The following LRRC4C variants were observed in gnomAD, a reference collection of about 807,000 sequenced individuals.
LRRC4C encodes the protein leucine rich repeat containing 4C, also known as leucine-rich repeat-containing protein 4C.
In LRRC4C, 5 loss-of-function variants were observed where a neutral mutation model predicts 33.6. The observed-to-expected ratio is 0.15, with a 90% CI of 0.08 to 0.31. LRRC4C has a LOEUF of 0.31. Among genes scored for constraint, LRRC4C ranks in the 10% least tolerant of loss-of-function variants. The pLI is 1.00. For missense variants in LRRC4C, 560 were observed against 796.7 expected (o/e 0.70, Z 3.58); for synonymous variants, 329 against 302.0 (o/e 1.09, Z -0.93).
At position 40,549,012 on chromosome 11, in the gene LRRC4C, G is replaced by T. The variant is rs563316347; in HGVS notation, c.-270+99130C>A. ...TATATTCTTTACTACCCTAGTTAAAGCATTAAGGTTCATATTAAAATCCAA... is the reference window on the plus strand; with the variant it reads ...TATATTCTTTACTACCCTAGTTAAATCATTAAGGTTCATATTAAAATCCAA... On this transcript the variant is annotated intron_variant, in intron 3 of 6. Transcript: ENST00000528697. Among the ~76,000 whole-genome samples the T allele has an allele frequency of 1.4e-4, 21 of 152,190 alleles. No individual in the cohort carries two copies. The East Asian group carries it at 4.1e-3, about 29-fold the overall frequency.
At chr11:40,769,736 A>C (rs1410419200) in intron 2 of LRRC4C, among the ~76,000 whole-genome samples, 1 of 152,196 alleles carries the variant, frequency 6.6e-6, no homozygotes, top group South Asian at 2.1e-4. Flanking sequence ...GGGAAAGAAC[A>C]GTCTCTTCAG....
At chr11:41,395,473 T>C (rs1953772525) in intron 1 of LRRC4C, among the ~76,000 whole-genome samples, 2 of 152,000 alleles carry the variant, frequency 1.3e-5, no homozygotes. Context: ...ATCACTATAA[T>C]TTAGTCTCAT....
At position 41,226,920 on chromosome 11, in the gene LRRC4C, C is replaced by T. The variant is rs574733311; in HGVS notation, c.-496+232511G>A. 2.0e-5 allele frequency among the ~76,000 whole-genome samples: 3 copies of T among 152,064 alleles called. No individual in the cohort carries two copies. In the South Asian group the frequency reaches 6.2e-4, roughly 32 times the overall value. On this transcript the variant is annotated intron_variant, in intron 1 of 6. Transcript: ENST00000528697. ...TACGTACATGATTTTTCCTTGTATC[C>T]TTATTTCAAACAACACAGTACAAGC...
At chr11:40,344,152 G>A (rs778153057) in intron 3 of LRRC4C, among the ~76,000 whole-genome samples, 22 of 151,970 alleles carry the variant, frequency 1.4e-4, no homozygotes, top group Non-Finnish European at 2.8e-4. Flanking sequence ...CTCATTCTAT[G>A]AGGCCAGCAT....
At chr11:40,184,570 A>G (rs11600174) in intron 5 of LRRC4C, among the ~76,000 whole-genome samples, 12,351 of 152,232 alleles carry the variant, frequency 0.081, 845 homozygotes, top group African/African-American at 0.19. Context: ...CATCTGTGGC[A>G]GTCTTGGGGA....
chr11:40,644,003 AC>A (rs1471783781), intron 3 of LRRC4C, among the ~76,000 whole-genome samples: 13 of 152,342 alleles, frequency 8.5e-5, no homozygotes, highest in Middle Eastern at 3.4e-3. Flanking sequence ...TGGAAAAAAA[AC>A]ATTAGATGCT....
At chr11:40,335,165 T>C (rs1233066295) in intron 3 of LRRC4C, among the ~76,000 whole-genome samples, 2 of 152,186 alleles carry the variant, frequency 1.3e-5, no homozygotes, top group Admixed American at 1.3e-4. Context: ...TGTTACATTT[T>C]TTTAGGTGCA....
intron 4 of LRRC4C, among the ~76,000 whole-genome samples, chr11:40,300,199 C>T (rs991958185): frequency 6.6e-6 from 1 of 152,112 alleles, no homozygotes; most frequent in Non-Finnish European, 1.5e-5. Flanking sequence ...AGGTGCTAAA[C>T]CATTCATGAG....
At chr11:41,120,496 T>C (rs1942366974) in intron 1 of LRRC4C, among the ~76,000 whole-genome samples, 1 of 152,148 alleles carries the variant, frequency 6.6e-6, no homozygotes, top group South Asian at 2.1e-4. Context: ...GAGGCACTAA[T>C]GGAGGATTGG....
chr11:40,282,393 G>T (rs1216961020), intron 4 of LRRC4C, among the ~76,000 whole-genome samples: 4 of 151,810 alleles, frequency 2.6e-5, no homozygotes, highest in East Asian at 1.9e-4. Context: ...AACTTCCCTG[G>T]CATACCTTCC....
chr11:41,152,888 C>T (rs765235041), intron 1 of LRRC4C, among the ~76,000 whole-genome samples: 1 of 152,110 alleles, frequency 6.6e-6, no homozygotes, highest in Admixed American at 6.5e-5. Flanking sequence ...CAAGCTCATA[C>T]CACTAGCCAA....
At chr11:40,430,221 G>A (rs1199701632) in intron 3 of LRRC4C, among the ~76,000 whole-genome samples, 1 of 144,606 alleles carries the variant, frequency 6.9e-6, no homozygotes, top group East Asian at 2.2e-4. Flanking sequence ...GCAGTAGGGG[G>A]GCACTGATAA....
chr11:40,238,103 C>T (rs572965915), intron 5 of LRRC4C, among the ~76,000 whole-genome samples: 3 of 152,252 alleles, frequency 2.0e-5, no homozygotes, highest in African/African-American at 7.2e-5. Flanking sequence ...ACAGGTTTCA[C>T]GCTATTGGTG....
At chr11:41,431,354 AT>A (rs1565667533) in intron 1 of LRRC4C, among the ~76,000 whole-genome samples, 1 of 152,034 alleles carries the variant, frequency 6.6e-6, no homozygotes, top group East Asian at 2.0e-4. Context: ...GAGAAAGTTA[AT>A]TTTTAATAAA....
rs183227688 is a variant in LRRC4C, at chr11:40,172,538, C to G, written c.-95-31685G>C. 2.0e-5 allele frequency among the ~76,000 whole-genome samples: 3 copies of G among 151,812 alleles called. No individual in the cohort carries two copies. The East Asian group carries it at 5.8e-4, about 30-fold the overall frequency. ...TTTAAGATTATAATTTTTATGCTCC[C>G]TTTTTACCCTCCCATTCTTCCCATG... is the stretch of plus-strand genomic sequence containing the variant. On this transcript the variant is annotated intron_variant, in intron 5 of 6. Transcript: ENST00000528697.
chr11:41,060,446 T>C (rs1404785867), intron 1 of LRRC4C, among the ~76,000 whole-genome samples: 2 of 152,234 alleles, frequency 1.3e-5, no homozygotes, highest in Non-Finnish European at 2.9e-5. Flanking sequence ...TGGTGGCAGA[T>C]TTTGTTTCTG....
chr11:40,713,773 T>C (rs915604888), intron 2 of LRRC4C, among the ~76,000 whole-genome samples: 4 of 152,198 alleles, frequency 2.6e-5, no homozygotes, highest in Non-Finnish European at 4.4e-5. Context: ...TTTTTGTTTA[T>C]CATGAAATAT....
intron 1 of LRRC4C, among the ~76,000 whole-genome samples, chr11:41,247,874 G>T (rs1415461903): frequency 3.9e-5 from 6 of 152,120 alleles, no homozygotes; most frequent in African/African-American, 1.4e-4. Context: ...CCATTTTGAG[G>T]CTGGGGCACG....
At chr11:40,243,039 ACTGTATGTGC>A (rs1412566291) in intron 4 of LRRC4C, among the ~76,000 whole-genome samples, 2 of 152,184 alleles carry the variant, frequency 1.3e-5, no homozygotes, top group Non-Finnish European at 2.9e-5. Context: ...CAACCAAATA[ACTGTATGTGC>A]CTTTGCAATT....
Sources: allele counts gnomAD v4.1 joint callset (sites outside exome capture counted in the v4.1 genomes callset), GRCh38; gene constraint gnomAD v4.1.1; transcripts MANE v1.5; gene names NCBI Gene and HGNC (gene_info 2026-07-23, HGNC 2026-07-21).